The following ANO6 variants were observed in gnomAD, a reference collection of about 807,000 sequenced individuals.
The protein encoded by ANO6 is anoctamin-6.
Under a neutral mutation model 117.5 loss-of-function variants are expected in ANO6, and 106 were observed. That is an observed-to-expected ratio of 0.90 (90% confidence interval 0.77 to 1.06). ANO6 has a LOEUF of 1.06. Ranked by LOEUF, ANO6 falls within the 50% of genes least tolerant of loss-of-function variation. The pLI, the probability that ANO6 is intolerant of heterozygous loss-of-function variation, is 0.00. For synonymous variants in ANO6, 367 were observed against 385.1 expected, an observed-to-expected ratio of 0.95 and a Z score of 0.55; for missense variants, 955 against 1,121.1, an observed-to-expected ratio of 0.85 and a Z score of 2.12.
At chr12:45,326,349 G>C (rs567946402) in intron 2 of ANO6, among the ~76,000 whole-genome samples, 7 of 152,210 alleles carry the variant, frequency 4.6e-5, no homozygotes, top group African/African-American at 1.7e-4. Context: ...ACACAAGACT[G>C]TTTTTTAAGA....
In ANO6 at chr12:45,430,168, G is replaced by C. The variant is rs867715318; in HGVS notation, c.*857G>C. On this transcript the variant is annotated 3_prime_UTR_variant, in exon 20 of 20. Coordinates refer to ENST00000320560, the MANE Select transcript of ANO6 (RefSeq NM_001025356.3). Reference sequence around the variant, plus strand: ...GATGTGTAGTTTCTTGGAAAACAGTGATATCACATGATTAAAATTACATTT... The same window carrying C: ...GATGTGTAGTTTCTTGGAAAACAGTCATATCACATGATTAAAATTACATTT... 1.0e-6 allele frequency: 1 copy of C among 985,184 alleles called. No homozygotes were observed. Among genetic ancestry groups the C allele is most frequent in the African/African-American group, 1.7e-5 (1 of 57,206 alleles). The allele number at this position is 985,184 out of a possible 1,614,324, so 61.0% of individuals were successfully genotyped here.
chr12:45,339,020 C>A (rs991375654), intron 3 of ANO6, among the ~76,000 whole-genome samples: 1 of 152,154 alleles, frequency 6.6e-6, no homozygotes, highest in South Asian at 2.1e-4. Context: ...AAATGTGTCA[C>A]CTTTTTAAAA....
intron 15 of ANO6, among the ~76,000 whole-genome samples, chr12:45,407,572 A>G (rs1303101595): frequency 7.0e-6 from 1 of 142,046 alleles, no homozygotes; most frequent in East Asian, 2.2e-4. Context: ...AAGCTGCACT[A>G]CTCACAAGCA....
At chr12:45,259,440 A>G (rs2137206816) in intron 1 of ANO6, among the ~76,000 whole-genome samples, 1 of 152,332 alleles carries the variant, frequency 6.6e-6, no homozygotes. Context: ...CGATTTTAAC[A>G]GTACACCCTA....
chr12:45,439,915 T>G (rs1012101961), exon 20 of ANO6: 3 of 1,495,218 alleles, frequency 2.0e-6, no homozygotes, highest in African/African-American at 2.8e-5. Flanking sequence ...TCCGTGTTTT[T>G]CTGTATCGAA....
At chr12:45,371,793 A>C (rs1941845931) in intron 9 of ANO6, among the ~76,000 whole-genome samples, 1 of 152,236 alleles carries the variant, frequency 6.6e-6, no homozygotes, top group Non-Finnish European at 1.5e-5. Flanking sequence ...AAACTCTAAA[A>C]AGCAGAACGC....
At chr12:45,385,781 TCAA>T (rs1942283085) in intron 10 of ANO6, among the ~76,000 whole-genome samples, 1 of 152,176 alleles carries the variant, frequency 6.6e-6, no homozygotes, top group African/African-American at 2.4e-5. Context: ...TATAAAACAC[TCAA>T]CAATTTGATC....
rs537388584 is a variant in ANO6 at position 45,422,309 on chromosome 12, A to G, written c.2421-648A>G. Among the ~76,000 whole-genome samples the G allele has an allele frequency of 1.9e-3, 285 of 152,318 alleles. 1 individual carries two copies. Among genetic ancestry groups the G allele is most frequent in the African/African-American group, 6.5e-3 (269 of 41,576 alleles). On this transcript the variant is annotated intron_variant, in intron 18 of 19. Coordinates refer to ENST00000320560, the MANE Select transcript of ANO6 (RefSeq NM_001025356.3). ...CTGAGTGAACCCTGATGATACCATTATATAAATAAATTTATAAATATGATC... is the reference window on the plus strand; with the variant it reads ...CTGAGTGAACCCTGATGATACCATTGTATAAATAAATTTATAAATATGATC...
intron 1 of ANO6, among the ~76,000 whole-genome samples, chr12:45,268,189 C>G (rs2137227813): frequency 6.6e-6 from 1 of 151,716 alleles, no homozygotes; most frequent in Admixed American, 6.6e-5. Context: ...TTCCAGTTCC[C>G]CCACTACTCC....
chr12:45,281,422 G>A (rs923174252), intron 1 of ANO6, among the ~76,000 whole-genome samples: 1 of 152,208 alleles, frequency 6.6e-6, no homozygotes, highest in African/African-American at 2.4e-5. Flanking sequence ...CAGTTCTGCA[G>A]GCTATACAGG....
In ANO6 at chr12:45,430,047, C is replaced by T. The variant is rs1943597080; in HGVS notation, c.*736C>T. ...TGCCTAATCAATGTTGACTGCTTTG[C>T]AGATCTCAAGGGAATAAAATGACAA... On this transcript the variant is annotated 3_prime_UTR_variant, in exon 20 of 20. Coordinates refer to ENST00000320560, the MANE Select transcript of ANO6 (RefSeq NM_001025356.3). The T allele has an allele frequency of 3.0e-6, 3 of 985,430 alleles. No individual in the cohort carries two copies. Among genetic ancestry groups the T allele is most frequent in the Middle Eastern group, 5.2e-4 (1 of 1,914 alleles). The allele number at this position is 985,430 out of a possible 1,614,324, so 61.0% of individuals were successfully genotyped here. A position where few individuals can be genotyped will look rare whatever the true frequency, so the allele number is the denominator to read the frequency against.
intron 8 of ANO6, among the ~76,000 whole-genome samples, chr12:45,358,389 A>C (rs1941467398): frequency 6.6e-6 from 1 of 152,202 alleles, no homozygotes; most frequent in South Asian, 2.1e-4. Context: ...TCACTGAAAA[A>C]GAGTTTTGGG....
At chr12:45,271,619 A>G (rs1467790011) in intron 1 of ANO6, among the ~76,000 whole-genome samples, 2 of 152,268 alleles carry the variant, frequency 1.3e-5, no homozygotes, top group Admixed American at 6.5e-5. Context: ...TCCTTGGCCA[A>G]TGTTCTATTT....
intron 3 of ANO6, among the ~76,000 whole-genome samples, chr12:45,336,794 TAAAA>T (rs989863897): frequency 2.0e-5 from 3 of 151,870 alleles, no homozygotes; most frequent in African/African-American, 4.8e-5. Flanking sequence ...AAAAAATAAA[TAAAA>T]AAAGGAAGTT....
chr12:45,248,427 A>AC (rs1947855807), intron 1 of ANO6, among the ~76,000 whole-genome samples: 2 of 138,692 alleles, frequency 1.4e-5, no homozygotes, highest in Admixed American at 1.4e-4. Context: ...TAAAAAGTAG[A>AC]CTTTTTTTTT....
At chr12:45,350,849 C>A in intron 7 of ANO6, 75 bp downstream of exon 7, 1 of 1,221,360 alleles carries the variant, frequency 8.2e-7, no homozygotes, top group Non-Finnish European at 1.2e-6. Flanking sequence ...TGTGACAGTA[C>A]TCATCAAGAC....
rs1321869441 is a variant in ANO6 at position 45,431,560 on chromosome 12, A to G, written c.*2249A>G. ...GAAAAAAAACCCTCTACATATTGAA[A>G]GGCACCAAATGTAATATCTGACACT... On this transcript the variant is annotated 3_prime_UTR_variant, in exon 20 of 20. Coordinates refer to ENST00000320560, the MANE Select transcript of ANO6 (RefSeq NM_001025356.3). 11 of 985,370 alleles carry G rather than the reference A, an allele frequency of 1.1e-5. No individual in the cohort carries two copies. The highest frequency in any genetic ancestry group is 1.3e-5 in the Non-Finnish European group (11 of 829,954). The allele number at this position is 985,370 out of a possible 1,614,324, so 61.0% of individuals were successfully genotyped here. A position where few individuals can be genotyped will look rare whatever the true frequency, so the allele number is the denominator to read the frequency against.
In ANO6 at chr12:45,302,107, C is replaced by T. The variant is rs140330230; in HGVS notation, c.150+14C>T. ...ACCCCGGAGTTTGTGAGTACTATTC[C>T]TTTATCTTAAATTTGTATTCTTAAG... On this transcript the variant is annotated intron_variant, in intron 2 of 19. Coordinates refer to ENST00000320560, the MANE Select transcript of ANO6 (RefSeq NM_001025356.3). 40,377 of 1,610,344 alleles carry T rather than the reference C, an allele frequency of 0.025. 641 individuals are homozygous for T. The highest frequency in any genetic ancestry group is 0.03 in the Non-Finnish European group (34,848 of 1,176,700).
intron 1 of ANO6, among the ~76,000 whole-genome samples, chr12:45,284,793 C>T (rs983893620): frequency 2.6e-5 from 4 of 152,168 alleles, no homozygotes; most frequent in Non-Finnish European, 5.9e-5. Flanking sequence ...AGTCTGATGC[C>T]TGTATAAATT....
Sources: gnomAD v4.1 joint callset for allele counts (sites outside exome capture counted in the v4.1 genomes callset) on GRCh38, gnomAD v4.1.1 for gene constraint, MANE v1.5 for transcripts, NCBI Gene and HGNC (gene_info 2026-07-23, HGNC 2026-07-21) for gene names.